The following MYO5C variants were observed in gnomAD, a reference collection of about 807,000 sequenced individuals.
MYO5C encodes the protein myosin VC, also known as unconventional myosin-Vc.
In MYO5C, 194 loss-of-function variants were observed where a neutral mutation model predicts 235.7. That is an observed-to-expected ratio of 0.82 (90% CI 0.73 to 0.93). MYO5C has a LOEUF of 0.93. Among genes scored for constraint, MYO5C ranks in the 40% least tolerant of loss-of-function variants. The pLI is 0.00. For missense variants in MYO5C, 2,038 were observed against 2,127.2 expected, an observed-to-expected ratio of 0.96 and a Z score of 0.82; for synonymous variants, 707 against 754.8, an observed-to-expected ratio of 0.94 and a Z score of 1.04.
intron 24 of MYO5C, 39 bp from the exon 25 acceptor site, chr15:52,229,352 T>C: frequency 6.3e-7 from 1 of 1,596,024 alleles, no homozygotes; most frequent in Non-Finnish European, 8.5e-7. Flanking sequence ...GAGCTGAGCA[T>C]GGTGGCTGAA....
At chr15:52,218,274 G>A (rs1233240547) in intron 32 of MYO5C, among the ~76,000 whole-genome samples, 2 of 152,146 alleles carry the variant, frequency 1.3e-5, no homozygotes, top group Non-Finnish European at 1.5e-5. Context: ...ATAGTGCTGG[G>A]GAACTACGGC....
chr15:52,256,783 G>C, intron 10 of MYO5C, 63 bp from the exon 11 acceptor site: 1 of 1,292,632 alleles, frequency 7.7e-7, no homozygotes, highest in Non-Finnish European at 1.1e-6. Context: ...TTTGTTTATA[G>C]ATATTTTTTG....
chr15:52,209,615 T>C (rs1322550199), intron 35 of MYO5C, among the ~76,000 whole-genome samples: 1 of 152,190 alleles, frequency 6.6e-6, no homozygotes, highest in Non-Finnish European at 1.5e-5. Context: ...ACACATCTCT[T>C]GATTTATGAA....
At position 52,196,568 on chromosome 15, in the gene MYO5C, G is replaced by A. The variant is rs181264639; in HGVS notation, c.4821-85C>T. ...GTGTCCCGAGAGGGTACCAGAGTTC[G>A]CTGAGATCCTTAAGACCACAGCTCA... On this transcript the variant is annotated intron_variant, in intron 38 of 40. Coordinates refer to ENST00000261839, the MANE Select transcript of MYO5C (RefSeq NM_018728.4). 59 of 1,326,190 alleles carry A rather than the reference G, an allele frequency of 4.4e-5. No homozygotes were observed. In the African/African-American group the frequency reaches 7.2e-4, roughly 16 times the overall value. The allele number at this position is 1,326,190 out of a possible 1,614,324, so 82.2% of individuals were successfully genotyped here. A position where few individuals can be genotyped will look rare whatever the true frequency, so the allele number is the denominator to read the frequency against.
chr15:52,291,731 GTTTTTTTTT>G (rs1196328559), intron 1 of MYO5C, among the ~76,000 whole-genome samples: 5 of 52,562 alleles, frequency 9.5e-5, no homozygotes, highest in Non-Finnish European at 1.3e-4. Context: ...CATATTTTAT[GTTTTTTTTT>G]TTTTTTTTTT....
chr15:52,199,225 G>T (rs1378078660), intron 38 of MYO5C, among the ~76,000 whole-genome samples: 2 of 152,090 alleles, frequency 1.3e-5, no homozygotes, highest in Non-Finnish European at 2.9e-5. Context: ...GGTTTCTAAT[G>T]GGGCTCCCAT....
chr15:52,277,752 A>T (rs2140854553), intron 4 of MYO5C: 1 of 435,600 alleles, frequency 2.3e-6, no homozygotes, highest in Middle Eastern at 7.4e-4. Flanking sequence ...AGGGAGCTGC[A>T]CGGCACCGGG....
In MYO5C at chr15:52,195,359, C is replaced by A. The variant is rs781190613; in HGVS notation, c.5076+18G>T. The A allele has an allele frequency of 1.3e-6, 2 of 1,563,266 alleles. No homozygotes were observed. The highest frequency in any genetic ancestry group is 1.8e-6 in the Non-Finnish European group (2 of 1,139,042). On this transcript the variant is annotated intron_variant, in intron 40 of 40. Coordinates refer to ENST00000261839, the MANE Select transcript of MYO5C (RefSeq NM_018728.4). ...AGTTAGGAAGTAAAATTAAAAGGCA[C>A]ATCCTTAAGAATCTCACCTGTACTT... is the stretch of plus-strand genomic sequence containing the variant.
At chr15:52,237,757 C>G in intron 21 of MYO5C, 111 bp from the exon 22 acceptor site, 1 of 983,588 alleles carries the variant, frequency 1.0e-6, no homozygotes, top group East Asian at 2.4e-5. Context: ...TTGCTTTATG[C>G]TGATCACACT....
intron 38 of MYO5C, among the ~76,000 whole-genome samples, chr15:52,203,641 C>T (rs568744577): frequency 1.5e-3 from 222 of 152,310 alleles, no homozygotes; most frequent in Middle Eastern, 3.4e-3. Context: ...CCACCCCGCC[C>T]GGCCTCTAAG....
intron 16 of MYO5C, 25 bp downstream of exon 16, chr15:52,246,892 C>G (rs2036359798): frequency 1.9e-6 from 3 of 1,584,818 alleles, no homozygotes; most frequent in African/African-American, 1.3e-5. Context: ...CACGTCTTCG[C>G]TGTGTGTTGC....
intron 21 of MYO5C, among the ~76,000 whole-genome samples, chr15:52,239,246 C>T (rs528223395): frequency 1.5e-3 from 223 of 152,340 alleles, no homozygotes; most frequent in African/African-American, 5.0e-3. Flanking sequence ...CCACCACGCC[C>T]GGCCTTGGAT....
chr15:52,284,994 C>T (rs2037231123), intron 1 of MYO5C, among the ~76,000 whole-genome samples: 1 of 152,120 alleles, frequency 6.6e-6, no homozygotes, highest in African/African-American at 2.4e-5. Flanking sequence ...TATAAGCCAT[C>T]ATGCCTGACC....
intron 28 of MYO5C, 56 bp downstream of exon 28, chr15:52,224,845 A>G (rs778254028): frequency 1.2e-5 from 17 of 1,462,556 alleles, no homozygotes; most frequent in Admixed American, 7.6e-5. Flanking sequence ...GGACTTTCCA[A>G]TAGTCTATTT....
intron 8 of MYO5C, among the ~76,000 whole-genome samples, chr15:52,267,123 G>A (rs564511229): frequency 6.6e-6 from 1 of 152,342 alleles, no homozygotes; most frequent in Admixed American, 6.5e-5. Context: ...GTGGAAATCT[G>A]TAAACATAAC....
intron 19 of MYO5C, 127 bp from the exon 20 acceptor site, chr15:52,242,340 A>T: frequency 9.8e-7 from 1 of 1,019,710 alleles, no homozygotes; most frequent in Non-Finnish European, 1.4e-6. Context: ...TCCACATTAA[A>T]CTCTGTGGGC....
chr15:52,212,297 G>A (rs2035459916), intron 34 of MYO5C, among the ~76,000 whole-genome samples: 1 of 152,208 alleles, frequency 6.6e-6, no homozygotes, highest in Non-Finnish European at 1.5e-5. Flanking sequence ...CACACCCAGT[G>A]CAGCAGAGGA....
At chr15:52,269,450 G>C (rs981571304) in intron 8 of MYO5C, among the ~76,000 whole-genome samples, 3 of 139,222 alleles carry the variant, frequency 2.2e-5, no homozygotes, top group African/African-American at 8.0e-5. Context: ...GGAGTGCAGT[G>C]GTGTGATCTC....
intron 4 of MYO5C, 84 bp from the exon 5 acceptor site, chr15:52,275,802 C>T (rs2037036520): frequency 7.6e-7 from 1 of 1,316,368 alleles, no homozygotes; most frequent in South Asian, 1.2e-5. Context: ...GTGGACAAGA[C>T]AAAAGAGGGA....
Sources: gnomAD v4.1 joint callset for allele counts (sites outside exome capture counted in the v4.1 genomes callset) on GRCh38, gnomAD v4.1.1 for gene constraint, MANE v1.5 for transcripts, NCBI Gene and HGNC (gene_info 2026-07-23, HGNC 2026-07-21) for gene names.